Variants in ATP6V0E1 observed in about 807,000 individuals in gnomAD.
ATP6V0E1 encodes V-type proton ATPase subunit e 1.
ATP6V0E1 carries 4 observed loss-of-function variants against 11.6 expected under a neutral mutation model. That is an observed-to-expected ratio of 0.35 (90% CI 0.17 to 0.79). The LOEUF (loss-of-function observed/expected upper bound fraction) is 0.79, where lower values mean the gene tolerates loss of function less well. Among genes scored for constraint, ATP6V0E1 ranks in the 30% least tolerant of loss-of-function variants. ATP6V0E1 has a pLI of 0.54. For missense variants in ATP6V0E1, 105 were observed against 100.0 expected (o/e 1.05, Z -0.21); for synonymous variants, 36 against 34.8 (o/e 1.04, Z -0.13).
At chr5:173,016,278 G>T (rs1185046617) in intron 2 of ATP6V0E1, among the ~76,000 whole-genome samples, 1 of 152,194 alleles carries the variant, frequency 6.6e-6, no homozygotes, top group African/African-American at 2.4e-5. Context: ...TGAATTGGAG[G>T]ACACCCAGCT....
rs555326661 is a variant in ATP6V0E1 at position 173,018,242 on chromosome 5, A to G, written c.153-1996A>G. 3.3e-5 allele frequency among the ~76,000 whole-genome samples: 5 copies of G among 152,320 alleles called. No individual in the cohort carries two copies. In the East Asian group the frequency reaches 9.6e-4, roughly 29 times the overall value. The stretch of plus-strand genomic sequence containing the variant: ...GTTCCTATAATAAAGGAAGGTAGAG[A>G]AAAGAAAATGTTAAGAAAATCATAA... On this transcript the variant is annotated intron_variant, in intron 2 of 3. Coordinates refer to ENST00000519374, the MANE Select transcript of ATP6V0E1 (RefSeq NM_003945.4).
chr5:173,020,308 T>C lies in ATP6V0E1; in HGVS notation c.223T>C (p.Tyr75His), dbSNP rs1202184915. ...GCAATTGAAAAATGAAACCATCTGG[T>C]ATCTGAAGTATCATTGGCCTTGAGG... ...GPQLKNETIWYLKYHWP is the reference protein window; with the variant it reads ...GPQLKNETIWHLKYHWP The change falls in exon 3 of 4, where the codon TAT becomes CAT. Residue 75 changes from tyrosine to histidine, a missense_variant. By Grantham distance (83) the Tyr-to-His change is moderately conservative. Coordinates refer to ENST00000519374, the MANE Select transcript of ATP6V0E1 (RefSeq NM_003945.4). 1 of 1,613,504 alleles carries C rather than the reference T, an allele frequency of 6.2e-7. No individual in the cohort carries two copies. Among genetic ancestry groups the C allele is most frequent in the Admixed American group, 1.7e-5 (1 of 60,016 alleles).
intron 2 of ATP6V0E1, among the ~76,000 whole-genome samples, chr5:173,009,956 G>A (rs910615248): frequency 6.6e-6 from 1 of 150,868 alleles, no homozygotes; most frequent in African/African-American, 2.4e-5. Flanking sequence ...TAGAGACGGG[G>A]TTTCACCATG....
intron 2 of ATP6V0E1, among the ~76,000 whole-genome samples, chr5:172,996,574 A>AAAATACATACATACATACATAC (rs1292001050): frequency 2.3e-3 from 352 of 151,772 alleles, no homozygotes; most frequent in African/African-American, 8.1e-3. Context: ...AAAAAAAAAA[A>AAAATACATACATACATACATAC]ATACATACAT....
chr5:173,027,689 A>G (rs1756585061), intron 3 of ATP6V0E1, among the ~76,000 whole-genome samples: 1 of 152,038 alleles, frequency 6.6e-6, no homozygotes, highest in African/African-American at 2.4e-5. Flanking sequence ...CCTGGCCTCA[A>G]GCGATCCTCC....
chr5:173,021,204 G>A (rs1756478831), intron 3 of ATP6V0E1, among the ~76,000 whole-genome samples: 1 of 152,092 alleles, frequency 6.6e-6, no homozygotes, highest in Admixed American at 6.6e-5. Context: ...CTTTAAACAA[G>A]CAGCTCTTGT....
intron 3 of ATP6V0E1, among the ~76,000 whole-genome samples, chr5:173,028,026 A>T (rs1756589745): frequency 6.6e-6 from 1 of 152,012 alleles, no homozygotes; most frequent in Non-Finnish European, 1.5e-5. Context: ...TTTCACTCTT[A>T]TGTCTCTGTC....
intron 2 of ATP6V0E1, among the ~76,000 whole-genome samples, chr5:173,012,524 G>A (rs1181935094): frequency 3.3e-5 from 5 of 151,868 alleles, no homozygotes; most frequent in South Asian, 2.1e-4. Flanking sequence ...AGGCCAAGGC[G>A]GGCAGATCAC....
At chr5:173,002,699 A>T (rs1756177455) in intron 2 of ATP6V0E1, among the ~76,000 whole-genome samples, 1 of 152,252 alleles carries the variant, frequency 6.6e-6, no homozygotes, top group African/African-American at 2.4e-5. Flanking sequence ...ACTATATCCA[A>T]AATAGAAGCC....
chr5:172,993,834 G>A (rs1053283366), intron 1 of ATP6V0E1, among the ~76,000 whole-genome samples: 1 of 152,084 alleles, frequency 6.6e-6, no homozygotes, highest in African/African-American at 2.4e-5. Context: ...TCATGCCACT[G>A]CACTCTAGCC....
chr5:173,014,261 A>G (rs1254481643), intron 2 of ATP6V0E1, among the ~76,000 whole-genome samples: 2 of 152,120 alleles, frequency 1.3e-5, no homozygotes, highest in African/African-American at 4.8e-5. Flanking sequence ...AAATTAGTAT[A>G]GAAAATGGTA....
intron 1 of ATP6V0E1, among the ~76,000 whole-genome samples, chr5:172,993,430 T>C (rs1258772746): frequency 6.6e-6 from 1 of 151,986 alleles, no homozygotes; most frequent in African/African-American, 2.4e-5. Flanking sequence ...CGCTTGAACC[T>C]GAGAGGCGGA....
chr5:173,003,809 G>A (rs1445283001), intron 2 of ATP6V0E1, among the ~76,000 whole-genome samples: 2 of 152,174 alleles, frequency 1.3e-5, no homozygotes, highest in Admixed American at 1.3e-4. Context: ...GACTGAGATG[G>A]CCATAAGATG....
chr5:173,013,789 T>C (rs1756365830), intron 2 of ATP6V0E1, among the ~76,000 whole-genome samples: 1 of 152,140 alleles, frequency 6.6e-6, no homozygotes, highest in Non-Finnish European at 1.5e-5. Context: ...ATATTATTAA[T>C]CACTAGGGAA....
intron 3 of ATP6V0E1, among the ~76,000 whole-genome samples, chr5:173,025,063 G>A (rs533056936): frequency 1.1e-4 from 16 of 149,948 alleles, no homozygotes; most frequent in Admixed American, 5.3e-4. Context: ...GGCTGGTCTC[G>A]AACTCTTGAC....
At chr5:173,019,932 C>T (rs1016948635) in intron 2 of ATP6V0E1, among the ~76,000 whole-genome samples, 3 of 152,032 alleles carry the variant, frequency 2.0e-5, no homozygotes, top group Non-Finnish European at 2.9e-5. Flanking sequence ...CGCTTTGAAG[C>T]GAAGATATCA....
At position 173,020,221 on chromosome 5, in the gene ATP6V0E1, T is replaced by G; in HGVS notation, c.153-17T>G. The G allele has an allele frequency of 6.3e-7, 1 of 1,596,916 alleles. No homozygotes were observed. The highest frequency in any genetic ancestry group is 2.2e-5 in the East Asian group (1 of 44,758). The stretch of plus-strand genomic sequence containing the variant: ...TGATTTCACCGCTTCGTTGTTTCTC[T>G]CCCATCCTTCTTTTAGTTGGCTGAT... On this transcript the variant is annotated splice_polypyrimidine_tract_variant and intron_variant, in intron 2 of 3. Transcript: ENST00000519374.
At chr5:173,020,705 A>G in intron 3 of ATP6V0E1, 1 of 520,138 alleles carries the variant, frequency 1.9e-6, no homozygotes, top group South Asian at 1.4e-5. Flanking sequence ...TGGCTGGCAG[A>G]TTTAAAATTG....
At chr5:173,012,096 ATCT>A (rs1756335134) in intron 2 of ATP6V0E1, among the ~76,000 whole-genome samples, 1 of 147,282 alleles carries the variant, frequency 6.8e-6, no homozygotes, top group African/African-American at 2.6e-5. Flanking sequence ...CAGTGGCCCG[ATCT>A]CAGCTCACTG....
Sources: allele counts gnomAD v4.1 joint callset (sites outside exome capture counted in the v4.1 genomes callset), GRCh38; gene constraint gnomAD v4.1.1; transcripts MANE v1.5; gene names NCBI Gene and HGNC (gene_info 2026-07-23, HGNC 2026-07-21).